The following FAM20C variants were observed in gnomAD, a reference collection of about 807,000 sequenced individuals.
FAM20C encodes the protein extracellular serine/threonine protein kinase FAM20C.
Under a neutral mutation model 51.5 loss-of-function variants are expected in FAM20C, and 40 were observed. The ratio of observed to expected loss-of-function variants is 0.78; its 90% CI spans 0.60 to 1.01. The LOEUF is 1.01. Ranked by LOEUF, FAM20C falls within the 50% of genes least tolerant of loss-of-function variation. The pLI is 0.00. For missense variants in FAM20C, 861 were observed against 844.7 expected, an observed-to-expected ratio of 1.02 and a Z score of -0.24; for synonymous variants, 406 against 380.6, an observed-to-expected ratio of 1.07 and a Z score of -0.78.
chr7:196,970 G>A (rs549732410), intron 2 of FAM20C, among the ~76,000 whole-genome samples: 5 of 151,938 alleles, frequency 3.3e-5, no homozygotes, highest in East Asian at 1.9e-4. Flanking sequence ...CCGTGAAAGC[G>A]CTGCCTTTCT....
intron 3 of FAM20C, among the ~76,000 whole-genome samples, chr7:214,335 A>T (rs924520731): frequency 2.0e-5 from 3 of 152,218 alleles, no homozygotes; most frequent in Non-Finnish European, 4.4e-5. Context: ...CAAAAAAAAA[A>T]AAATCTTTAC....
At chr7:252,536 C>A (rs534857536) in intron 5 of FAM20C, among the ~76,000 whole-genome samples, 105 of 152,234 alleles carry the variant, frequency 6.9e-4, no homozygotes, top group African/African-American at 2.3e-3. Flanking sequence ...GCCCAGAGCA[C>A]ATTGGAGGGC....
chr7:245,180 A>G (rs889831615), intron 3 of FAM20C, among the ~76,000 whole-genome samples: 2 of 152,230 alleles, frequency 1.3e-5, no homozygotes, highest in African/African-American at 4.8e-5. Flanking sequence ...GGGCTGGGAA[A>G]GTGACCGGGG....
Position 258,665 on chromosome 7 carries a change from G to C in FAM20C, c.1465G>C (p.Asp489His), listed in dbSNP as rs946092624. The C allele has an allele frequency of 1.3e-6, 2 of 1,536,624 alleles. No individual in the cohort carries two copies. The highest frequency in any genetic ancestry group is 2.0e-5 in the Admixed American group (1 of 50,958). ...TGGAAGGTTTGGGAAGTATTCGCAC[G>C]ACGAGCTCTCCATCCTGGTGCCGCT... The part of the protein sequence containing the change: ...NGRGFGKYSH[D>H]ELSILVPLQQ... Residue 489 changes from aspartate to histidine, a missense_variant, in exon 9 of 10, where the codon GAC becomes CAC. Transcript: ENST00000313766.
chr7:210,628 T>C (rs73251080), intron 3 of FAM20C, among the ~76,000 whole-genome samples: 18,150 of 151,912 alleles, frequency 0.12, 1,261 homozygotes, highest in African/African-American at 0.19. Flanking sequence ...GCCTCGCAAA[T>C]GTTTCCAGGT....
At chr7:207,513 C>T (rs1262628438) in intron 2 of FAM20C, among the ~76,000 whole-genome samples, 1 of 152,106 alleles carries the variant, frequency 6.6e-6, no homozygotes, top group East Asian at 1.9e-4. Context: ...TGTTAGCTCC[C>T]TAGGGAGGCT....
In FAM20C at chr7:193,184, G is replaced by A. The variant is rs1562356379; in HGVS notation, c.-16G>A. 1 of 1,449,998 alleles carries A rather than the reference G, an allele frequency of 6.9e-7. No homozygotes were observed. The highest frequency in any genetic ancestry group is 1.2e-5 in the South Asian group (1 of 81,374). 89.8% of individuals were successfully genotyped at this position (1,449,998 alleles called of 1,614,324 possible). ...CGGGCAGAACGCGCTCCAGGCCCGGGCCGGCCCGCGCGGCCATGAAGATGA... is the reference window on the plus strand; with the variant it reads ...CGGGCAGAACGCGCTCCAGGCCCGGACCGGCCCGCGCGGCCATGAAGATGA... On this transcript the variant is annotated 5_prime_UTR_variant, in exon 1 of 10. Coordinates refer to ENST00000313766, the MANE Select transcript of FAM20C (RefSeq NM_020223.4).
intron 3 of FAM20C, among the ~76,000 whole-genome samples, chr7:213,704 G>A (rs180725648): frequency 1.4e-4 from 22 of 152,300 alleles, no homozygotes; most frequent in South Asian, 2.1e-4. Context: ...GCCGGATCAC[G>A]TGATAACTGC....
At chr7:211,133 C>T (rs1473695030) in intron 3 of FAM20C, among the ~76,000 whole-genome samples, 1 of 127,732 alleles carries the variant, frequency 7.8e-6, no homozygotes, top group Non-Finnish European at 1.8e-5. Context: ...CTTCCTCCTC[C>T]CCCGTCAGCC....
At chr7:194,343 G>A (rs1785744089) in intron 1 of FAM20C, among the ~76,000 whole-genome samples, 1 of 152,104 alleles carries the variant, frequency 6.6e-6, no homozygotes, top group African/African-American at 2.4e-5. Context: ...AAGAGATGAT[G>A]GCTCGATAAA....
intron 3 of FAM20C, among the ~76,000 whole-genome samples, chr7:224,364 ACTGTC>A (rs1787384849): frequency 1.2e-4 from 3 of 24,730 alleles, no homozygotes; most frequent in Admixed American, 2.5e-4. Flanking sequence ...GCAGAACGGC[ACTGTC>A]ACGGGGTCAC....
At chr7:205,355 G>A (rs569488105) in intron 2 of FAM20C, among the ~76,000 whole-genome samples, 2 of 150,756 alleles carry the variant, frequency 1.3e-5, no homozygotes, top group Admixed American at 6.6e-5. Context: ...CCGCCACGAC[G>A]TCAGCCTCTG....
At chr7:217,428 A>ACTCCAGCCCCTACCGGGTGCCCCCC (rs71016859) in intron 3 of FAM20C, among the ~76,000 whole-genome samples, 1 of 151,676 alleles carries the variant, frequency 6.6e-6, no homozygotes, top group Non-Finnish European at 1.5e-5. Context: ...GTAGAGCTGC[A>ACTCCAGCCCCTACCGGGTGCCCCCC]TTTGGCTGTT....
intron 3 of FAM20C, among the ~76,000 whole-genome samples, chr7:217,797 G>A (rs768404258): frequency 5.9e-5 from 9 of 152,146 alleles, no homozygotes; most frequent in African/African-American, 1.2e-4. Context: ...CCATTTGTAC[G>A]AGGAGAGGAC....
intron 3 of FAM20C, among the ~76,000 whole-genome samples, chr7:224,256 GTCGCATGGCGGCTGTCCCCTGAGCCTTCT>G (rs1787376558): frequency 2.0e-4 from 13 of 63,534 alleles, no homozygotes; most frequent in Non-Finnish European, 3.3e-4. Flanking sequence ...CTGTCACGGG[GTCGCATGGCGGCTGTCCCCTGAGCCTTCT>G]CTCACGGAGC....
At chr7:222,533 C>T (rs978845675) in intron 3 of FAM20C, among the ~76,000 whole-genome samples, 1 of 152,130 alleles carries the variant, frequency 6.6e-6, no homozygotes, top group Non-Finnish European at 1.5e-5. Flanking sequence ...CAGGTGTCCA[C>T]GGAGGCCCTG....
rs1562385472 is a variant in FAM20C, at chr7:230,380, G to GC, written c.864-16035_864-16034insC. On this transcript the variant is annotated intron_variant, in intron 3 of 9. Coordinates refer to ENST00000313766, the MANE Select transcript of FAM20C (RefSeq NM_020223.4). The stretch of plus-strand genomic sequence containing the variant: ...TTGTCCCCAGGACGGGGTGGGGGGG[G>GC]GGGGGAACAGATCCCCGTGGCTTAA... Among the ~76,000 whole-genome samples, 33 of 110,516 alleles carry GC rather than the reference G, an allele frequency of 3.0e-4. 5 individuals carry two copies. In the East Asian group the frequency reaches 9.0e-3, roughly 30 times the overall value. 72.5% of individuals were successfully genotyped at this position (110,516 alleles called of 152,430 possible).
chr7:199,529 G>C (rs1320801937), intron 2 of FAM20C, among the ~76,000 whole-genome samples: 1 of 152,194 alleles, frequency 6.6e-6, no homozygotes, highest in Non-Finnish European at 1.5e-5. Context: ...ACTATTAAAC[G>C]TGAGCCCAGA....
chr7:208,794 C>T (rs1423605486), intron 2 of FAM20C, 104 bp from the exon 3 acceptor site: 2 of 1,174,262 alleles, frequency 1.7e-6, no homozygotes, highest in African/African-American at 1.5e-5. Context: ...ACCCCTGGAC[C>T]ATGCCCAGAG....
Sources: gnomAD v4.1 joint callset for allele counts (sites outside exome capture counted in the v4.1 genomes callset) on GRCh38, gnomAD v4.1.1 for gene constraint, MANE v1.5 for transcripts, NCBI Gene and HGNC (gene_info 2026-07-23, HGNC 2026-07-21) for gene names.